ARVCF: variants seen among roughly 807,000 people sequenced by gnomAD.
The protein encoded by ARVCF is ARVCF delta catenin family member, also known as splicing regulator ARVCF.
A neutral mutation model predicts 90.9 loss-of-function variants in ARVCF; 66 were observed. The ratio of observed to expected loss-of-function variants is 0.73; its 90% CI spans 0.60 to 0.89. The LOEUF (loss-of-function observed/expected upper bound fraction) is 0.89, where lower values mean the gene tolerates loss of function less well. ARVCF is among the 40% of genes least tolerant of loss of function. ARVCF has a pLI of 0.00. For synonymous variants in ARVCF, 653 were observed against 603.4 expected (o/e 1.08, Z -1.21); for missense variants, 1,469 against 1,382.3 (o/e 1.06, Z -1.00).
chr22:20,016,429 T>C (rs1443733202), intron 1 of ARVCF, among the ~76,000 whole-genome samples, 160 bp downstream of exon 1: 3 of 151,866 alleles, frequency 2.0e-5, no homozygotes, highest in African/African-American at 7.3e-5. Flanking sequence ...GGCTCCGACG[T>C]CCGGCCCAGA....
intron 6 of ARVCF, 87 bp from the exon 7 acceptor site, chr22:19,979,167 TCTC>T (rs1201304381): frequency 7.2e-7 from 1 of 1,379,344 alleles, no homozygotes; most frequent in South Asian, 1.3e-5. Context: ...CCTGTCCCAC[TCTC>T]CTCATGTCCC....
intron 1 of ARVCF, among the ~76,000 whole-genome samples, chr22:20,015,190 A>C (rs1944990196): frequency 6.6e-6 from 1 of 152,226 alleles, no homozygotes; most frequent in Admixed American, 6.5e-5. Context: ...GCTGTGCTCA[A>C]CTACCCTCTC....
intron 7 of ARVCF, among the ~76,000 whole-genome samples, chr22:19,978,444 C>T (rs954348526): frequency 1.3e-5 from 2 of 152,218 alleles, no homozygotes; most frequent in Non-Finnish European, 2.9e-5. Flanking sequence ...CACCTTACCC[C>T]AAGGTCAAGA....
At chr22:19,996,264 G>A (rs1944246391) in intron 2 of ARVCF, among the ~76,000 whole-genome samples, 2 of 151,694 alleles carry the variant, frequency 1.3e-5, no homozygotes, top group African/African-American at 4.9e-5. Context: ...GAACCCCCGA[G>A]GAAAGACGCA....
chr22:19,975,805 T>TG, intron 10 of ARVCF, 48 bp from the exon 11 acceptor site: 1 of 1,595,942 alleles, frequency 6.3e-7, no homozygotes, highest in Non-Finnish European at 8.6e-7. Flanking sequence ...ATATGGGGAA[T>TG]GGGTGTATCA....
At chr22:20,005,032 A>G (rs540652092) in intron 2 of ARVCF, among the ~76,000 whole-genome samples, 125 of 152,350 alleles carry the variant, frequency 8.2e-4, no homozygotes, top group African/African-American at 2.9e-3. Context: ...AAGGAAAAAT[A>G]AATTGTACTA....
chr22:20,015,532 A>T (rs757897940), intron 1 of ARVCF, among the ~76,000 whole-genome samples: 1 of 152,110 alleles, frequency 6.6e-6, no homozygotes, highest in Non-Finnish European at 1.5e-5. Flanking sequence ...TTTGGACCAG[A>T]CCTCTAAACA....
intron 11 of ARVCF, 147 bp downstream of exon 11, chr22:19,975,539 T>C: frequency 1.2e-6 from 1 of 819,038 alleles, no homozygotes; most frequent in Non-Finnish European, 1.9e-6. Flanking sequence ...TGAATCACCC[T>C]CCAGGAAATC....
At chr22:19,972,232 A>G in intron 17 of ARVCF, 126 bp downstream of exon 17, 3 of 1,325,964 alleles carry the variant, frequency 2.3e-6, no homozygotes, top group Non-Finnish European at 3.2e-6. Flanking sequence ...TCACCCTCTA[A>G]GCACCCCTAA....
downstream of ARVCF, chr22:19,967,509 T>C (rs1942481054): frequency 5.0e-6 from 2 of 402,382 alleles, no homozygotes; most frequent in Non-Finnish European, 9.9e-6. Flanking sequence ...GTGGTGTCCA[T>C]ACTGTCACAT....
At chr22:20,004,930 A>T (rs1228609742) in intron 2 of ARVCF, among the ~76,000 whole-genome samples, 1 of 152,258 alleles carries the variant, frequency 6.6e-6, no homozygotes, top group Non-Finnish European at 1.5e-5. Context: ...CTCAAACTAT[A>T]AAACTCTTAG....
chr22:19,993,568 A>G (rs2146396250), intron 2 of ARVCF, among the ~76,000 whole-genome samples: 1 of 152,308 alleles, frequency 6.6e-6, no homozygotes, highest in South Asian at 2.1e-4. Context: ...GCCTCCCCTA[A>G]CCTGGTAAGG....
intron 2 of ARVCF, among the ~76,000 whole-genome samples, chr22:19,992,335 G>T (rs1324692379): frequency 6.6e-6 from 1 of 152,234 alleles, no homozygotes; most frequent in Non-Finnish European, 1.5e-5. Flanking sequence ...AATGCAGGGA[G>T]AGCTGGGGGC....
chr22:19,979,560 G>A, intron 6 of ARVCF, 183 bp downstream of exon 6: 2 of 930,080 alleles, frequency 2.2e-6, no homozygotes, highest in Non-Finnish European at 3.1e-6. Context: ...GGTAGAGACT[G>A]GGGAACCTGT....
chr22:19,977,315 C>G, intron 9 of ARVCF, 100 bp downstream of exon 9: 1 of 1,419,842 alleles, frequency 7.0e-7, no homozygotes, highest in Non-Finnish European at 9.3e-7. Context: ...GACCAGGTGT[C>G]CTCTAGCCTC....
intron 11 of ARVCF, among the ~76,000 whole-genome samples, chr22:19,975,219 C>A (rs539291324): frequency 6.6e-6 from 1 of 152,348 alleles, no homozygotes; most frequent in African/African-American, 2.4e-5. Context: ...ACAGACCTCT[C>A]TCTCAAGCCA....
In ARVCF at chr22:19,969,966, T is replaced by G; in HGVS notation, c.*790A>C. ...TGTTTACCAATAGTCTTATTTTGGC[T>G]TATTTTTAATGCTTTTTCTCAGTGT... is the stretch of plus-strand genomic sequence containing the variant. On this transcript the variant is annotated 3_prime_UTR_variant, in exon 20 of 20. Coordinates refer to ENST00000263207, the MANE Select transcript of ARVCF (RefSeq NM_001670.3). The G allele has an allele frequency of 1.0e-6, 1 of 985,656 alleles. No homozygotes were observed. The highest frequency in any genetic ancestry group is 1.2e-6 in the Non-Finnish European group (1 of 829,950). The allele number at this position is 985,656 out of a possible 1,614,324, so 61.1% of individuals were successfully genotyped here.
At chr22:20,006,827 TCACCATGTTGACC>T (rs1295948364) in intron 2 of ARVCF, among the ~76,000 whole-genome samples, 3 of 151,718 alleles carry the variant, frequency 2.0e-5, no homozygotes, top group Non-Finnish European at 4.4e-5. Context: ...AGACGGGGTT[TCACCATGTTGACC>T]AGGATGGTCT....
downstream of ARVCF, chr22:19,969,433 A>C (rs35593000): frequency 2.6e-5 from 4 of 152,510 alleles, no homozygotes; most frequent in African/African-American, 9.7e-5. Flanking sequence ...GCAATGGCTC[A>C]GACCAGCTCC....
Sources: gnomAD v4.1 joint callset for allele counts (sites outside exome capture counted in the v4.1 genomes callset) on GRCh38, gnomAD v4.1.1 for gene constraint, MANE v1.5 for transcripts, NCBI Gene and HGNC (gene_info 2026-07-23, HGNC 2026-07-21) for gene names.